Variants in GPC3 observed in about 807,000 individuals in gnomAD.
The protein encoded by GPC3 is glypican 3.
GPC3 carries 3 observed loss-of-function variants against 34.4 expected under a neutral mutation model. The ratio of observed to expected loss-of-function variants is 0.09; its 90% confidence interval spans 0.04 to 0.23. GPC3 has a LOEUF of 0.23. Ranked by LOEUF, GPC3 falls within the 10% of genes least tolerant of loss-of-function variation. The pLI is 1.00. For synonymous variants in GPC3, 177 were observed against 174.0 expected (o/e 1.02, Z -0.13); for missense variants, 351 against 445.6 (o/e 0.79, Z 1.91).
chrX:133,934,769 C>G (rs2076316145), intron 2 of GPC3, among the ~76,000 whole-genome samples: 2 of 108,453 alleles, frequency 1.8e-5, no homozygotes, highest in Non-Finnish European at 3.8e-5. Context: ...AGTGGTCCTC[C>G]TCCTCAGCCT....
chrX:133,799,616 T>A (rs1276128063), intron 2 of GPC3, among the ~76,000 whole-genome samples: 1 of 111,482 alleles, frequency 9.0e-6, no homozygotes, highest in East Asian at 2.8e-4. Flanking sequence ...AATTCCCTTT[T>A]TTGTACTCCC....
chrX:133,793,196 A>G (rs1174618610), intron 2 of GPC3, among the ~76,000 whole-genome samples: 1 of 111,855 alleles, frequency 8.9e-6, no homozygotes, highest in Non-Finnish European at 1.9e-5. Flanking sequence ...AAAACGCTAT[A>G]CACATTATAA....
At chrX:133,736,120 T>C (rs186919472) in intron 3 of GPC3, among the ~76,000 whole-genome samples, 23 of 111,794 alleles carry the variant, frequency 2.1e-4, no homozygotes, top group African/African-American at 6.8e-4. Flanking sequence ...AATAAGCACA[T>C]GAAAATCACC....
chrX:133,983,145 T>C (rs1158050229), intron 1 of GPC3, among the ~76,000 whole-genome samples: 1 of 112,061 alleles, frequency 8.9e-6, no homozygotes, highest in Non-Finnish European at 1.9e-5. Context: ...TCACCATATT[T>C]GAAGTTTGGC....
chrX:133,637,824 G>T (rs1487960371), intron 6 of GPC3, among the ~76,000 whole-genome samples: 1 of 110,061 alleles, frequency 9.1e-6, no homozygotes, highest in African/African-American at 3.3e-5. Context: ...CTTATTTTTG[G>T]TAGAGACAGG....
intron 3 of GPC3, among the ~76,000 whole-genome samples, chrX:133,747,216 G>T (rs1239058012): frequency 9.0e-6 from 1 of 111,594 alleles, no homozygotes; most frequent in Non-Finnish European, 1.9e-5. Flanking sequence ...CTATGTGTTG[G>T]TCCAATCGGC....
chrX:133,550,350 T>C (rs1363011366), intron 7 of GPC3, among the ~76,000 whole-genome samples: 1 of 111,328 alleles, frequency 9.0e-6, no homozygotes, highest in Non-Finnish European at 1.9e-5. Context: ...ACTTACATGA[T>C]AGCCTCTTCC....
At chrX:133,768,266 C>T (rs916309096) in intron 2 of GPC3, among the ~76,000 whole-genome samples, 2 of 111,728 alleles carry the variant, frequency 1.8e-5, no homozygotes, top group Non-Finnish European at 3.8e-5. Flanking sequence ...AATTCACTCT[C>T]CAGGAAGAGC....
chrX:133,558,513 G>A (rs1001849961), intron 7 of GPC3, among the ~76,000 whole-genome samples: 3 of 110,439 alleles, frequency 2.7e-5, no homozygotes, highest in African/African-American at 6.6e-5. Flanking sequence ...TATCTTTTTG[G>A]GGAAAGATAG....
At chrX:133,749,285 A>G (rs1213200348) in intron 3 of GPC3, among the ~76,000 whole-genome samples, 1 of 111,010 alleles carries the variant, frequency 9.0e-6, no homozygotes, top group Non-Finnish European at 1.9e-5. Context: ...AACAAAACGA[A>G]ACAAAATCAT....
intron 2 of GPC3, among the ~76,000 whole-genome samples, chrX:133,904,546 G>A (rs1379835848): frequency 1.8e-5 from 2 of 111,813 alleles, no homozygotes; most frequent in African/African-American, 6.5e-5. Context: ...GTAGTCTTTA[G>A]CTACCCAGAG....
intron 1 of GPC3, among the ~76,000 whole-genome samples, chrX:133,982,067 G>A (rs2076542618): frequency 8.9e-6 from 1 of 111,998 alleles, no homozygotes; most frequent in Non-Finnish European, 1.9e-5. Flanking sequence ...TTTGTTTAGA[G>A]GAATTTTTTT....
At chrX:133,829,221 G>T (rs1478332068) in intron 2 of GPC3, among the ~76,000 whole-genome samples, 1 of 111,728 alleles carries the variant, frequency 9.0e-6, no homozygotes, top group African/African-American at 3.3e-5. Flanking sequence ...CGTTATTAGA[G>T]ACAAAAAAAT....
chrX:133,800,807 T>C (rs2075605574), intron 2 of GPC3, among the ~76,000 whole-genome samples: 1 of 111,677 alleles, frequency 9.0e-6, no homozygotes, highest in African/African-American at 3.3e-5. Flanking sequence ...TAGATTGAAA[T>C]GCATCATGGA....
At chrX:133,781,043 T>C (rs1413678774) in intron 2 of GPC3, among the ~76,000 whole-genome samples, 2 of 112,014 alleles carry the variant, frequency 1.8e-5, no homozygotes, top group East Asian at 5.6e-4. Flanking sequence ...GTTCTCAGTA[T>C]GTAGGATATT....
At chrX:133,795,564 T>C (rs2075574304) in intron 2 of GPC3, among the ~76,000 whole-genome samples, 1 of 111,722 alleles carries the variant, frequency 9.0e-6, no homozygotes, top group Non-Finnish European at 1.9e-5. Flanking sequence ...TGAAGTGTAA[T>C]TTTTCATTCA....
At chrX:133,897,174 G>A (rs1271019744) in intron 2 of GPC3, among the ~76,000 whole-genome samples, 1 of 105,165 alleles carries the variant, frequency 9.5e-6, no homozygotes, top group Admixed American at 1.0e-4. Flanking sequence ...CTAAAGTGCT[G>A]GGATTACAGG....
intron 6 of GPC3, among the ~76,000 whole-genome samples, chrX:133,628,655 CA>C (rs374067368): frequency 0.011 from 842 of 79,247 alleles, 8 homozygotes; most frequent in African/African-American, 0.032. Context: ...GACTCTGTCT[CA>C]AAAAAAAAAA....
At chrX:133,785,964 T>C (rs1349302442) in intron 2 of GPC3, among the ~76,000 whole-genome samples, 2 of 112,623 alleles carry the variant, frequency 1.8e-5, no homozygotes, top group Non-Finnish European at 3.7e-5. Context: ...ATATAAAACC[T>C]ATAGATCAAT....
Sources: gnomAD v4.1 joint callset for allele counts (sites outside exome capture counted in the v4.1 genomes callset) on GRCh38, gnomAD v4.1.1 for gene constraint, MANE v1.5 for transcripts, NCBI Gene and HGNC (gene_info 2026-07-23, HGNC 2026-07-21) for gene names.